CACNA1I: variants seen among roughly 807,000 people sequenced by gnomAD.
The protein encoded by CACNA1I is calcium voltage-gated channel subunit alpha1 I, also known as voltage-dependent T-type calcium channel subunit alpha-1I.
A neutral mutation model predicts 201.6 loss-of-function variants in CACNA1I; 74 were observed. The ratio of observed to expected loss-of-function variants is 0.37; its 90% CI spans 0.30 to 0.45. The LOEUF (loss-of-function observed/expected upper bound fraction) is 0.45. Ranked by LOEUF, CACNA1I falls within the 20% of genes least tolerant of loss-of-function variation. The probability of loss-of-function intolerance (pLI) is 1.00; values close to 1 mark genes in which losing one functional copy is unlikely to be tolerated. For synonymous variants in CACNA1I, 1,431 were observed against 1,345.2 expected, an observed-to-expected ratio of 1.06 and a Z score of -1.40; for missense variants, 2,346 against 3,138.1, an observed-to-expected ratio of 0.75 and a Z score of 6.03.
chr22:39,612,356 A>G (rs1933409148), intron 3 of CACNA1I, among the ~76,000 whole-genome samples: 1 of 152,200 alleles, frequency 6.6e-6, no homozygotes, highest in Non-Finnish European at 1.5e-5. Flanking sequence ...TGCTTCTGTT[A>G]TAGCAGCAGA....
chr22:39,633,537 AG>A (rs1934121999), intron 4 of CACNA1I, among the ~76,000 whole-genome samples: 1 of 152,234 alleles, frequency 6.6e-6, no homozygotes, highest in Non-Finnish European at 1.5e-5. Context: ...GAGCTTTCAC[AG>A]GGCTGCGGTG....
In CACNA1I at chr22:39,662,133, G is replaced by C. The variant is rs1045872334; in HGVS notation, c.3070G>C (p.Glu1024Gln). The part of the protein sequence containing the change: ...GARVCEVAAD[E>Q]GPPRAAPLHT... ...CCGGGTCTGCGAGGTTGCCGCGGAC[G>C]AGGGGCCGCCGCGGGCCGCACCCCT... is the stretch of plus-strand genomic sequence containing the variant. The change falls in exon 17 of 37, where the codon GAG becomes CAG. Residue 1024 changes from glutamate (E) to glutamine (Q), a missense_variant. Physicochemically the swap from Glu to Gln is conservative, Grantham distance 29. Around this residue, in one of 13 missense-constraint regions of CACNA1I, gnomAD observed 288 missense variants for 255.2 expected, o/e 1.13. Transcript: ENST00000402142. 6.6e-7 allele frequency: 1 copy of C among 1,526,270 alleles called. No individual in the cohort carries two copies. Among genetic ancestry groups the C allele is most frequent in the South Asian group, 1.2e-5 (1 of 82,272 alleles). The allele number at this position is 1,526,270 out of a possible 1,614,324, so 94.5% of individuals were successfully genotyped here.
chr22:39,673,936 G>A (rs772860840), intron 28 of CACNA1I, 27 bp from the exon 29 acceptor site: 2 of 1,610,098 alleles, frequency 1.2e-6, no homozygotes, highest in Non-Finnish European at 1.7e-6. Flanking sequence ...CTGGGGCTGA[G>A]TGGGCAGGGC....
rs1601534729 is a variant in CACNA1I at position 39,684,691 on chromosome 22, T to G, written c.6027+193T>G. The G allele has an allele frequency of 4.7e-4, 190 of 401,354 alleles. No individual in the cohort carries two copies. Among genetic ancestry groups the G allele is most frequent in the East Asian group, 9.3e-4 (19 of 20,350 alleles). The allele number at this position is 401,354 out of a possible 1,614,324, so 24.9% of individuals were successfully genotyped here. On this transcript the variant is annotated intron_variant, in intron 36 of 36. Coordinates refer to ENST00000402142, the MANE Select transcript of CACNA1I (RefSeq NM_021096.4). This position sits in a 1 kb window ranked among gnomAD's most constrained non-coding sequence, Gnocchi z 4.6. ...GGAGGTGGCACTGGGGCGGATGGAGTGGGCGGGGCTGGGTCCTGGGGACAG... is the reference window on the plus strand; with the variant it reads ...GGAGGTGGCACTGGGGCGGATGGAGGGGGCGGGGCTGGGTCCTGGGGACAG...
chr22:39,592,571 T>A (rs1377788737), intron 1 of CACNA1I, among the ~76,000 whole-genome samples: 1 of 152,200 alleles, frequency 6.6e-6, no homozygotes, highest in African/African-American at 2.4e-5. Flanking sequence ...GCGAGGCAGC[T>A]GGGCCTTGGA....
chr22:39,667,864 G>T (rs542410939), intron 23 of CACNA1I, among the ~76,000 whole-genome samples: 1 of 152,282 alleles, frequency 6.6e-6, no homozygotes, highest in East Asian at 1.9e-4. Context: ...TCAGATGCTG[G>T]GGCAAGCGTG....
chr22:39,681,082 C>CG, intron 34 of CACNA1I, 30 bp downstream of exon 34: 1 of 1,587,398 alleles, frequency 6.3e-7, no homozygotes, highest in Non-Finnish European at 8.6e-7. Flanking sequence ...CCTGAGCAGG[C>CG]GGGTCTGTCC....
chr22:39,660,464 G>GAGAGCCCAGAGCCTTCTCCAC (rs1934970722), intron 15 of CACNA1I, 27 bp downstream of exon 15: 1 of 1,536,966 alleles, frequency 6.5e-7, no homozygotes, highest in Non-Finnish European at 8.9e-7. Context: ...TTGTCACCTA[G>GAGAGCCCAGAGCCTTCTCCAC]AGAGCCCAGA....
At chr22:39,671,207 T>C (rs1421954786) in intron 26 of CACNA1I, among the ~76,000 whole-genome samples, 1 of 152,174 alleles carries the variant, frequency 6.6e-6, no homozygotes, top group East Asian at 1.9e-4. Context: ...GACCGTGGCT[T>C]GCACATGGGT....
intron 4 of CACNA1I, among the ~76,000 whole-genome samples, chr22:39,631,678 T>C (rs1333223727): frequency 6.6e-6 from 1 of 152,176 alleles, no homozygotes; most frequent in African/African-American, 2.4e-5. Flanking sequence ...TCTCTTTCTG[T>C]CACTCCTGGT....
chr22:39,634,662 A>G lies in CACNA1I; in HGVS notation c.678A>G (p.Ile226Met). The change falls in exon 5 of 37, where the codon ATA becomes ATG. Residue 226 changes from isoleucine to methionine, a missense_variant. Around this residue, in one of 13 missense-constraint regions of CACNA1I, gnomAD observed 227 missense variants for 412.5 expected, o/e 0.55. Transcript: ENST00000402142. ...CFFVFFIFGI[I>M]GVQLWAGLLR... is the part of the protein sequence containing the mutation. ...TTGTCTTCTTCATCTTTGGCATCATAGGTGTGCAGCTCTGGGCGGGCCTGC... is the reference window on the plus strand; with the variant it reads ...TTGTCTTCTTCATCTTTGGCATCATGGGTGTGCAGCTCTGGGCGGGCCTGC... 6.2e-7 allele frequency: 1 copy of G among 1,613,864 alleles called. No homozygotes were observed. Among genetic ancestry groups the G allele is most frequent in the Non-Finnish European group, 8.5e-7 (1 of 1,179,872 alleles).
At position 39,686,340 on chromosome 22, in the gene CACNA1I, C is replaced by A. The variant is rs2076266117; in HGVS notation, c.6607C>A (p.Pro2203Thr). The A allele has an allele frequency of 1.5e-6, 2 of 1,313,290 alleles. No homozygotes were observed. Among genetic ancestry groups the A allele is most frequent in the African/African-American group, 1.6e-5 (1 of 64,446 alleles). 81.4% of individuals were successfully genotyped at this position (1,313,290 alleles called of 1,614,324 possible). A position where few individuals can be genotyped will look rare whatever the true frequency, so the allele number is the denominator to read the frequency against. ...PLPMGLGPLA[P>T]PPQPLPGELE... ...GCCCATGGGCCTGGGCCCCTTGGCG[C>A]CCCCGCCGCAACCGCTCCCCGGAGA... The change falls in exon 37 of 37, where the codon CCC becomes ACC. Residue 2203 changes from proline to threonine, a missense_variant. Physicochemically the swap from Pro to Thr is conservative, Grantham distance 38 (BLOSUM62 -1). This residue lies in a region of CACNA1I where 187 missense variants were observed against 151.0 expected (regional missense o/e 1.24). Transcript: ENST00000402142.
chr22:39,611,363 G>T (rs1933382885), intron 3 of CACNA1I, among the ~76,000 whole-genome samples: 2 of 152,182 alleles, frequency 1.3e-5, no homozygotes, highest in African/African-American at 4.8e-5. Flanking sequence ...AGGTCTGGCT[G>T]CCCCCAGGGC....
Position 39,665,446 on chromosome 22 carries a change from C to A in CACNA1I, c.3852-52C>A. 6.2e-7 allele frequency: 1 copy of A among 1,603,922 alleles called. No individual in the cohort carries two copies. The highest frequency in any genetic ancestry group is 8.5e-7 in the Non-Finnish European group (1 of 1,174,884). Reference sequence around the variant, plus strand: ...GTGACTCTGGGCTGAGTAGGGGCTGCCTCCTGGCCTGGCCAAGGGATTATG... The same window carrying A: ...GTGACTCTGGGCTGAGTAGGGGCTGACTCCTGGCCTGGCCAAGGGATTATG... On this transcript the variant is annotated intron_variant, in intron 21 of 36. Coordinates refer to ENST00000402142, the MANE Select transcript of CACNA1I (RefSeq NM_021096.4). This position sits in a 1 kb window ranked among gnomAD's most constrained non-coding sequence, Gnocchi z 5.5.
rs1165742567 is a variant in CACNA1I at position 39,629,499 on chromosome 22, A to G, written c.581-5066A>G. On this transcript the variant is annotated intron_variant, in intron 4 of 36. Coordinates refer to ENST00000402142, the MANE Select transcript of CACNA1I (RefSeq NM_021096.4). This position sits in a 1 kb window ranked among gnomAD's most constrained non-coding sequence, Gnocchi z 4.8. Reference sequence around the variant, plus strand: ...ATCATTATCTGGGCCCAGCCCCACCATCTTCCGGTTTATCACAATGATGAA... The same window carrying G: ...ATCATTATCTGGGCCCAGCCCCACCGTCTTCCGGTTTATCACAATGATGAA... 6.6e-6 allele frequency among the ~76,000 whole-genome samples: 1 copy of G among 151,490 alleles called. No homozygotes were observed. Among genetic ancestry groups the G allele is most frequent in the African/African-American group, 2.4e-5 (1 of 41,224 alleles).
chr22:39,662,448 G>A lies in CACNA1I; in HGVS notation c.3372+13G>A. 1 of 1,406,970 alleles carries A rather than the reference G, an allele frequency of 7.1e-7. No homozygotes were observed. 87.2% of individuals were successfully genotyped at this position (1,406,970 alleles called of 1,614,324 possible). On this transcript the variant is annotated intron_variant, in intron 17 of 36. Transcript: ENST00000402142. ...GGAAATCGACTACGTGAGTGGGGGC[G>A]GGGCCGAAGGGGACCTGGTGCGGTG... is the stretch of plus-strand genomic sequence containing the variant.
Position 39,687,712 on chromosome 22 carries a change from C to G in CACNA1I, c.*1307C>G, listed in dbSNP as rs992224047. ...TTTCACTATAGCAGTGCTTCCCAAA[C>G]GGGTTCTAGACTTGGGTGTTTGATT... On this transcript the variant is annotated 3_prime_UTR_variant, in exon 37 of 37. Coordinates refer to ENST00000402142, the MANE Select transcript of CACNA1I (RefSeq NM_021096.4). 2.0e-5 allele frequency: 3 copies of G among 152,242 alleles called. No homozygotes were observed. Among genetic ancestry groups the G allele is most frequent in the South Asian group, 2.1e-4 (1 of 4,822 alleles). 9.4% of individuals were successfully genotyped at this position (152,242 alleles called of 1,614,324 possible). A position where few individuals can be genotyped will look rare whatever the true frequency, so the allele number is the denominator to read the frequency against.
intron 3 of CACNA1I, among the ~76,000 whole-genome samples, chr22:39,601,345 G>A (rs1432686512): frequency 6.6e-6 from 1 of 152,250 alleles, no homozygotes; most frequent in African/African-American, 2.4e-5. Context: ...ACGCCAGTGG[G>A]CGTGCCTTCA....
chr22:39,592,402 C>T (rs994077148), intron 1 of CACNA1I, among the ~76,000 whole-genome samples: 18 of 152,208 alleles, frequency 1.2e-4, no homozygotes, highest in Non-Finnish European at 2.4e-4. Flanking sequence ...CTAAGTGTCA[C>T]TTCAGCTCTG....
Sources: gnomAD v4.1 joint callset for allele counts (sites outside exome capture counted in the v4.1 genomes callset) on GRCh38, gnomAD v4.1.1 for gene constraint, gnomAD v4.1.1 regional missense constraint, Gnocchi (gnomAD v3.1) non-coding constraint, MANE v1.5 for transcripts, NCBI Gene and HGNC (gene_info 2026-07-23, HGNC 2026-07-21) for gene names.